BAZ1A: variants seen among roughly 807,000 people sequenced by gnomAD.
The protein encoded by BAZ1A is bromodomain adjacent to zinc finger domain protein 1A.
In BAZ1A, 50 loss-of-function variants were observed where a neutral mutation model predicts 185.2. The observed-to-expected ratio is 0.27, with a 90% confidence interval of 0.22 to 0.34. The LOEUF (loss-of-function observed/expected upper bound fraction) is 0.34. Among genes scored for constraint, BAZ1A ranks in the 10% least tolerant of loss-of-function variants. BAZ1A has a pLI of 1.00. For missense variants in BAZ1A, 1,356 were observed against 1,839.9 expected (o/e 0.74, Z 4.81); for synonymous variants, 571 against 615.6 (o/e 0.93, Z 1.07).
rs773500177 is a variant in BAZ1A, at chr14:34,836,378, CAAAAAAAAAAAAAAAAAAAAAA to C, written c.393-10244_393-10223del. 2.3e-4 allele frequency among the ~76,000 whole-genome samples: 3 copies of C among 13,130 alleles called. 1 individual carries two copies. The highest frequency in any genetic ancestry group is 1.0e-3 in the African/African-American group (3 of 2,944). 8.6% of individuals were successfully genotyped at this position (13,130 alleles called of 152,430 possible). ...TGGGCGACAGAGCGAGACTCCGTCTCAAAAAAAAAAAAAAAAAAAAAAAAAAAAAAAAAAAAAAAAACTTTCT... is the reference window on the plus strand; with the variant it reads ...TGGGCGACAGAGCGAGACTCCGTCTCAAAAAAAAAAAAAAAAAAACTTTCT... On this transcript the variant is annotated intron_variant, in intron 3 of 26. Transcript: ENST00000360310.
At chr14:34,864,567 G>A (rs2042823783) in intron 2 of BAZ1A, among the ~76,000 whole-genome samples, 2 of 151,804 alleles carry the variant, frequency 1.3e-5, no homozygotes, top group Admixed American at 6.6e-5. Flanking sequence ...TGCAACCTCC[G>A]CCTCCCAGGT....
chr14:34,861,678 A>G (rs1483106291), intron 3 of BAZ1A, among the ~76,000 whole-genome samples: 3 of 152,260 alleles, frequency 2.0e-5, no homozygotes, highest in Admixed American at 1.3e-4. Flanking sequence ...ACAGTAAATT[A>G]AAGAGAAGGA....
rs574094189 is a variant in BAZ1A, at chr14:34,789,262, C to A, written c.1511-3041G>T. Among the ~76,000 whole-genome samples, 6 of 152,064 alleles carry A rather than the reference C, an allele frequency of 3.9e-5. No individual in the cohort carries two copies. The South Asian group carries it at 1.0e-3, about 26-fold the overall frequency. On this transcript the variant is annotated intron_variant, in intron 12 of 26. Transcript: ENST00000360310. Reference sequence around the variant, plus strand: ...CAGCAATCACCACATTCAACCTATACCATCTATAGAAAGTTATAATTTCCT... The same window carrying A: ...CAGCAATCACCACATTCAACCTATAACATCTATAGAAAGTTATAATTTCCT...
intron 21 of BAZ1A, among the ~76,000 whole-genome samples, chr14:34,767,022 AAC>A (rs957965691): frequency 3.3e-5 from 5 of 152,222 alleles, no homozygotes; most frequent in South Asian, 2.1e-4. Flanking sequence ...CAGAGGCAAA[AAC>A]ACAGTGGATG....
intron 25 of BAZ1A, among the ~76,000 whole-genome samples, chr14:34,757,696 C>T (rs1886319706): frequency 6.6e-6 from 1 of 151,368 alleles, no homozygotes; most frequent in South Asian, 2.1e-4. Flanking sequence ...AAAAAAGAAT[C>T]AGTCACAAAA....
intron 12 of BAZ1A, among the ~76,000 whole-genome samples, chr14:34,788,378 A>G (rs879635153): frequency 1.3e-4 from 20 of 151,830 alleles, no homozygotes; most frequent in Non-Finnish European, 7.4e-5. Context: ...ATCTCAGCTC[A>G]CTACAACCTC....
intron 8 of BAZ1A, 118 bp from the exon 9 acceptor site, chr14:34,800,508 C>T: frequency 1.2e-6 from 1 of 825,644 alleles, no homozygotes. Context: ...TTAGTAGAGA[C>T]TCTTAAAATT....
chr14:34,845,121 C>T (rs935576770), intron 3 of BAZ1A, among the ~76,000 whole-genome samples: 1 of 151,938 alleles, frequency 6.6e-6, no homozygotes. Flanking sequence ...AACTCCTGCT[C>T]GGAATTATTT....
chr14:34,754,753 AAAAT>A (rs1886169346), intron 26 of BAZ1A, 70 bp downstream of exon 26: 1 of 1,084,178 alleles, frequency 9.2e-7, no homozygotes, highest in Non-Finnish European at 1.3e-6. Context: ...TCTTTAAACA[AAAAT>A]AAATATCAAA....
intron 20 of BAZ1A, among the ~76,000 whole-genome samples, chr14:34,773,273 T>A (rs1206487694): frequency 6.6e-6 from 1 of 151,984 alleles, no homozygotes; most frequent in Non-Finnish European, 1.5e-5. Context: ...AAAAGAAGAA[T>A]AATAGTATAA....
At chr14:34,873,233 CT>C (rs1184496601) in intron 2 of BAZ1A, among the ~76,000 whole-genome samples, 1 of 152,156 alleles carries the variant, frequency 6.6e-6, no homozygotes, top group African/African-American at 2.4e-5. Context: ...CAAGCCCCCA[CT>C]CAGAAAAGGT....
intron 3 of BAZ1A, among the ~76,000 whole-genome samples, chr14:34,840,293 A>C (rs1308231882): frequency 6.6e-6 from 1 of 152,182 alleles, no homozygotes; most frequent in Non-Finnish European, 1.5e-5. Context: ...GCATATAAAA[A>C]TCAATCTTAA....
At position 34,868,656 on chromosome 14, in the gene BAZ1A, C is replaced by T. The variant is rs2042899828; in HGVS notation, c.113+5836G>A. ...TCTCTAGTAAAAATTCAAAAATTAG[C>T]TGGGCACGGTGTCAGGAGCCTGTAA... On this transcript the variant is annotated intron_variant, in intron 2 of 26. Transcript: ENST00000360310. Among the ~76,000 whole-genome samples, 4 of 151,942 alleles carry T rather than the reference C, an allele frequency of 2.6e-5. No homozygotes were observed. The South Asian group carries it at 8.3e-4, about 31-fold the overall frequency.
intron 25 of BAZ1A, among the ~76,000 whole-genome samples, chr14:34,758,200 T>C (rs1886353217): frequency 6.6e-6 from 1 of 151,566 alleles, no homozygotes; most frequent in African/African-American, 2.4e-5. Flanking sequence ...GAGGATCACT[T>C]GAGCTCAGGA....
rs1158494177 is a variant in BAZ1A, at chr14:34,844,155, G to A, written c.392+17889C>T. On this transcript the variant is annotated intron_variant, in intron 3 of 26. Transcript: ENST00000360310. ...CGGGAGGCGGAGCTTGCAGTGAGCAGAGATCGCGCCACTGCACTCCAGCCT... is the reference window on the plus strand; with the variant it reads ...CGGGAGGCGGAGCTTGCAGTGAGCAAAGATCGCGCCACTGCACTCCAGCCT... 4.9e-5 allele frequency among the ~76,000 whole-genome samples: 7 copies of A among 142,610 alleles called. No homozygotes were observed. The South Asian group carries it at 1.1e-3, about 22-fold the overall frequency. The allele number at this position is 142,610 out of a possible 152,430, so 93.6% of individuals were successfully genotyped here. A position where few individuals can be genotyped will look rare whatever the true frequency, so the allele number is the denominator to read the frequency against.
intron 7 of BAZ1A, 23 bp from the exon 8 acceptor site, chr14:34,801,216 A>AT (rs1305622537): frequency 1.3e-6 from 2 of 1,527,044 alleles, no homozygotes; most frequent in African/African-American, 1.4e-5. Context: ...CCAAAATAGT[A>AT]TGCCTGGTTC....
chr14:34,874,070 T>A lies in BAZ1A; in HGVS notation c.113+422A>T, dbSNP rs2042998489. On this transcript the variant is annotated intron_variant, in intron 2 of 26. Coordinates refer to ENST00000360310, the MANE Select transcript of BAZ1A (RefSeq NM_013448.3). The surrounding 1 kb of genome is among the most constrained non-coding windows in gnomAD (Gnocchi z 4.7). ...GAATTCCCTTCCCCGGCCCAGGGAC[T>A]GCGGCCCCACGTCGCTGACCCTAGC... Among the ~76,000 whole-genome samples, 1 of 151,768 alleles carries A rather than the reference T, an allele frequency of 6.6e-6. No homozygotes were observed. Among genetic ancestry groups the A allele is most frequent in the African/African-American group, 2.4e-5 (1 of 41,388 alleles).
intron 14 of BAZ1A, among the ~76,000 whole-genome samples, chr14:34,784,970 C>T (rs1460046205): frequency 1.3e-5 from 2 of 152,200 alleles, no homozygotes; most frequent in Non-Finnish European, 1.5e-5. Flanking sequence ...GATTCTCCTG[C>T]CTCTGCCTCC....
rs772649267 is a variant in BAZ1A, at chr14:34,773,672, A to T, written c.3052T>A (p.Leu1018Ile). ...SALESGRYEL[L>I]SEENKENGII... Reference sequence around the variant, plus strand: ...CCATTTTCCTTGTTTTCCTCACTTAACAGCTCATACCGTCCACTTTCTAAT... The same window carrying T: ...CCATTTTCCTTGTTTTCCTCACTTATCAGCTCATACCGTCCACTTTCTAAT... Residue 1018 changes from leucine (L) to isoleucine (I), a missense_variant, in exon 20 of 27, where the codon TTA (leucine) becomes ATA (isoleucine). Transcript: ENST00000360310. 2 of 1,613,658 alleles carry T rather than the reference A, an allele frequency of 1.2e-6. No individual in the cohort carries two copies.
Sources: allele counts gnomAD v4.1 joint callset (sites outside exome capture counted in the v4.1 genomes callset), GRCh38; gene constraint gnomAD v4.1.1; non-coding constraint Gnocchi (gnomAD v3.1); transcripts MANE v1.5; gene names NCBI Gene and HGNC (gene_info 2026-07-23, HGNC 2026-07-21).